The following COMMD9 variants were observed in gnomAD, a reference collection of about 807,000 sequenced individuals.
COMMD9 encodes COMM domain containing 9, also known as COMM domain-containing protein 9.
In COMMD9, 22 loss-of-function variants were observed where a neutral mutation model predicts 23.4. That is an observed-to-expected ratio of 0.94 (90% confidence interval 0.67 to 1.34). The LOEUF is 1.34. COMMD9 is among the 40% of genes most tolerant of loss of function. The pLI, the probability that COMMD9 is intolerant of heterozygous loss-of-function variation, is 0.00. For missense variants in COMMD9, 231 were observed against 240.2 expected (o/e 0.96, Z 0.25); for synonymous variants, 99 against 97.4 (o/e 1.02, Z -0.10).
rs1384631996 is a variant in COMMD9, at chr11:36,272,529, T to A, written c.*2103A>T. On this transcript the variant is annotated 3_prime_UTR_variant, in exon 6 of 6. Coordinates refer to ENST00000263401, the MANE Select transcript of COMMD9 (RefSeq NM_014186.4). ...GGGGAATGGAAGGAAAGGAGAGGGG[T>A]AAATTTGTGACAAATCTGAGCTCAA... The A allele has an allele frequency of 6.6e-6, 1 of 152,202 alleles. No individual in the cohort carries two copies. The highest frequency in any genetic ancestry group is 2.4e-5 in the African/African-American group (1 of 41,434). 9.4% of individuals were successfully genotyped at this position (152,202 alleles called of 1,614,324 possible). A position where few individuals can be genotyped will look rare whatever the true frequency, so the allele number is the denominator to read the frequency against.
intron 2 of COMMD9, among the ~76,000 whole-genome samples, chr11:36,280,030 T>C (rs1391035448): frequency 6.6e-6 from 1 of 152,074 alleles, no homozygotes; most frequent in Non-Finnish European, 1.5e-5. Context: ...TGCCTGAGCC[T>C]GGGGCATCGA....
At chr11:36,278,409 C>G (rs1323859393) in intron 3 of COMMD9, 68 bp downstream of exon 3, 8 of 1,449,924 alleles carry the variant, frequency 5.5e-6, no homozygotes, top group Non-Finnish European at 7.7e-6. Context: ...ATTACTACTT[C>G]TAGAATGAGA....
intron 1 of COMMD9, among the ~76,000 whole-genome samples, chr11:36,283,052 A>C (rs1856092456): frequency 6.6e-6 from 1 of 152,214 alleles, no homozygotes; most frequent in South Asian, 2.1e-4. Flanking sequence ...ACAGAGAGAA[A>C]GGGAATCCCC....
chr11:36,283,821 T>C (rs189299399), intron 1 of COMMD9, among the ~76,000 whole-genome samples: 12 of 152,286 alleles, frequency 7.9e-5, no homozygotes, highest in East Asian at 1.9e-4. Context: ...TAAGAAACTC[T>C]TGGCCAGGCG....
chr11:36,278,270 A>G (rs1180276785), intron 3 of COMMD9: 4 of 456,776 alleles, frequency 8.8e-6, no homozygotes, highest in Non-Finnish European at 1.5e-5. Context: ...TGTAAAGAGG[A>G]AAAAAAAAAC....
chr11:36,282,036 C>A (rs1856074928), intron 1 of COMMD9, among the ~76,000 whole-genome samples: 1 of 151,886 alleles, frequency 6.6e-6, no homozygotes, highest in Non-Finnish European at 1.5e-5. Flanking sequence ...GGCTCAGCAC[C>A]AAAATGGAAA....
chr11:36,278,279 A>C (rs947322745), intron 3 of COMMD9, 198 bp downstream of exon 3: 7 of 541,694 alleles, frequency 1.3e-5, no homozygotes, highest in East Asian at 3.3e-5. Context: ...GAAAAAAAAA[A>C]CATGTTTTAA....
At chr11:36,282,804 C>A (rs1856088999) in intron 1 of COMMD9, among the ~76,000 whole-genome samples, 1 of 152,134 alleles carries the variant, frequency 6.6e-6, no homozygotes, top group African/African-American at 2.4e-5. Flanking sequence ...CAAAGTCCCA[C>A]AATAGGCCGT....
At chr11:36,274,845 T>C in intron 5 of COMMD9, 73 bp from the exon 6 acceptor site, 1 of 1,572,866 alleles carries the variant, frequency 6.4e-7, no homozygotes. Flanking sequence ...GCCCTGAACC[T>C]GCGAGGCTGA....
At chr11:36,284,959 C>A (rs1856127106) in intron 1 of COMMD9, among the ~76,000 whole-genome samples, 1 of 152,132 alleles carries the variant, frequency 6.6e-6, no homozygotes. Flanking sequence ...TAAGCTCCCA[C>A]CTCAAGAACC....
chr11:36,276,496 G>A (rs1423827334), intron 4 of COMMD9: 7 of 432,618 alleles, frequency 1.6e-5, no homozygotes, highest in Non-Finnish European at 2.5e-5. Context: ...CAGCCCTCCA[G>A]ATGTTAGGGC....
chr11:36,285,976 C>G, intron 1 of COMMD9, among the ~76,000 whole-genome samples: 1 of 152,250 alleles, frequency 6.6e-6, no homozygotes, highest in East Asian at 1.9e-4. Context: ...AAACTGAGAA[C>G]AAGGCAAGAT....
At chr11:36,287,060 T>C (rs1856171173) in intron 1 of COMMD9, among the ~76,000 whole-genome samples, 1 of 151,058 alleles carries the variant, frequency 6.6e-6, no homozygotes, top group Non-Finnish European at 1.5e-5. Context: ...GTATACTACA[T>C]ACTATGTATA....
At position 36,276,305 on chromosome 11, in the gene COMMD9, AC is replaced by A. The variant is rs1356466128; in HGVS notation, c.353-66del. The A allele has an allele frequency of 4.2e-6, 5 of 1,178,906 alleles. No homozygotes were observed. In the East Asian group the frequency reaches 1.2e-4, roughly 27 times the overall value. 73.0% of individuals were successfully genotyped at this position (1,178,906 alleles called of 1,614,324 possible). On this transcript the variant is annotated intron_variant, in intron 4 of 5. Transcript: ENST00000263401. ...GTGTTTACCAAGCATTTATTGTACG[AC>A]AGGCGGCTCTGAGGACTGCACACAT... is the stretch of plus-strand genomic sequence containing the variant.
intron 1 of COMMD9, 78 bp from the exon 2 acceptor site, chr11:36,280,915 C>A: frequency 7.3e-7 from 1 of 1,373,542 alleles, no homozygotes; most frequent in South Asian, 1.5e-5. Flanking sequence ...ATGTCTTTGT[C>A]ATACATGATA....
At position 36,280,604 on chromosome 11, in the gene COMMD9, T is replaced by C; in HGVS notation, c.177+108A>G. ...CCATTTATAAAAGTTTGCTACAGTG[T>C]CAACAGATGTTTCAAGGGATTTTCC... On this transcript the variant is annotated intron_variant, in intron 2 of 5. Coordinates refer to ENST00000263401, the MANE Select transcript of COMMD9 (RefSeq NM_014186.4). 2 of 1,149,656 alleles carry C rather than the reference T, an allele frequency of 1.7e-6. 1 individual carries two copies. Among genetic ancestry groups the C allele is most frequent in the South Asian group, 3.9e-5 (2 of 51,702 alleles). 71.2% of individuals were successfully genotyped at this position (1,149,656 alleles called of 1,614,324 possible).
rs532868947 is a variant in COMMD9 at position 36,288,733 on chromosome 11, G to GA, written c.51+628dup. Reference sequence around the variant, plus strand: ...TAGAATTGCTTGAACTCGGGGGGCGGAGGTTGCAGTGAGCCGAGATTGCGC... The same window carrying GA: ...TAGAATTGCTTGAACTCGGGGGGCGGAAGGTTGCAGTGAGCCGAGATTGCGC... On this transcript the variant is annotated intron_variant, in intron 1 of 5. Coordinates refer to ENST00000263401, the MANE Select transcript of COMMD9 (RefSeq NM_014186.4). Among the ~76,000 whole-genome samples the GA allele has an allele frequency of 6.7e-3, 1,025 of 152,278 alleles. 10 individuals carry two copies. Among genetic ancestry groups the GA allele is most frequent in the African/African-American group, 0.023 (937 of 41,544 alleles).
rs972186321 is a variant in COMMD9, at chr11:36,286,347, C to A, written c.51+3015G>T. On this transcript the variant is annotated intron_variant, in intron 1 of 5. Transcript: ENST00000263401. Reference sequence around the variant, plus strand: ...GGTGGATCACTTGTGGCCAGGAGTTCAAGACCAGCCTGGCCAACGTGGGGA... The same window carrying A: ...GGTGGATCACTTGTGGCCAGGAGTTAAAGACCAGCCTGGCCAACGTGGGGA... Among the ~76,000 whole-genome samples, 35 of 127,916 alleles carry A rather than the reference C, an allele frequency of 2.7e-4. 1 individual carries two copies. The South Asian group carries it at 8.9e-3, about 33-fold the overall frequency. The allele number at this position is 127,916 out of a possible 152,430, so 83.9% of individuals were successfully genotyped here.
In COMMD9 at chr11:36,274,474, T is replaced by C; in HGVS notation, c.*158A>G. 1.1e-6 allele frequency: 1 copy of C among 921,610 alleles called. No individual in the cohort carries two copies. Among genetic ancestry groups the C allele is most frequent in the Non-Finnish European group, 1.8e-6 (1 of 569,794 alleles). 57.1% of individuals were successfully genotyped at this position (921,610 alleles called of 1,614,324 possible). ...AACAGCGGGGGATCTGGCTGCTTCT[T>C]CCCAATCCAACTGTAACTTCTGGAT... On this transcript the variant is annotated 3_prime_UTR_variant, in exon 6 of 6. Transcript: ENST00000263401.
Sources: allele counts gnomAD v4.1 joint callset (sites outside exome capture counted in the v4.1 genomes callset), GRCh38; gene constraint gnomAD v4.1.1; transcripts MANE v1.5; gene names NCBI Gene and HGNC (gene_info 2026-07-23, HGNC 2026-07-21).